Variants in CNTNAP3B observed in about 807,000 individuals in gnomAD.
CNTNAP3B encodes contactin associated protein family member 3B, also known as contactin-associated protein-like 3B.
Under a neutral mutation model 108.9 loss-of-function variants are expected in CNTNAP3B, and 25 were observed. That is an observed-to-expected ratio of 0.23 (90% CI 0.17 to 0.32). CNTNAP3B has a LOEUF of 0.32. Among genes scored for constraint, CNTNAP3B ranks in the 10% least tolerant of loss-of-function variants. The probability of loss-of-function intolerance (pLI) is 1.00; values close to 1 mark genes in which losing one functional copy is unlikely to be tolerated. For synonymous variants in CNTNAP3B, 103 were observed against 473.4 expected, an observed-to-expected ratio of 0.22 and a Z score of 10.16; for missense variants, 252 against 1,210.4, an observed-to-expected ratio of 0.21 and a Z score of 11.75.
chr9:42,021,966 A>C (rs1294364064), intron 3 of CNTNAP3B, among the ~76,000 whole-genome samples: 1 of 118,186 alleles, frequency 8.5e-6, no homozygotes, highest in African/African-American at 3.6e-5. Context: ...TCCTGGGCTT[A>C]GGCAAGCCAA....
chr9:41,934,124 C>CATATATATATATATATATATATAT (rs1226684775), intron 14 of CNTNAP3B, among the ~76,000 whole-genome samples: 1 of 105,670 alleles, frequency 9.5e-6, no homozygotes, highest in African/African-American at 4.1e-5. Context: ...TATATATATA[C>CATATATATATATATATATATATAT]ACACACATAT....
chr9:41,915,710 G>A (rs1255299823), intron 18 of CNTNAP3B, among the ~76,000 whole-genome samples: 1 of 136,628 alleles, frequency 7.3e-6, no homozygotes, highest in East Asian at 2.0e-4. Context: ...TTTGTTAAAT[G>A]TTTTTTTTTT....
At chr9:41,924,792 A>C (rs1250478633) in intron 15 of CNTNAP3B, among the ~76,000 whole-genome samples, 4 of 152,262 alleles carry the variant, frequency 2.6e-5, no homozygotes, top group East Asian at 1.9e-4. Context: ...CACATGTATT[A>C]CTCAGGCCTC....
At chr9:42,005,407 G>A (rs1470940734) in intron 4 of CNTNAP3B, among the ~76,000 whole-genome samples, 2 of 97,364 alleles carry the variant, frequency 2.1e-5, no homozygotes, top group Non-Finnish European at 4.1e-5. Context: ...CCCAGACTGG[G>A]CAATCAAGTA....
At chr9:42,075,836 CTTATTATTATTATTATTA>C (rs201491733) in intron 3 of CNTNAP3B, among the ~76,000 whole-genome samples, 1 of 63,736 alleles carries the variant, frequency 1.6e-5, no homozygotes, top group Non-Finnish European at 3.5e-5. Context: ...GTAATAAATA[CTTATTATTATTATTATTA>C]TTATTATTAT....
At position 42,095,664 on chromosome 9, in the gene CNTNAP3B, G is replaced by A. The variant is rs1277910728; in HGVS notation, c.196+8965C>T. 2.5e-3 allele frequency among the ~76,000 whole-genome samples: 344 copies of A among 138,786 alleles called. 39 individuals are homozygous for A. Among genetic ancestry groups the A allele is most frequent in the Middle Eastern group, 3.4e-3 (1 of 290 alleles). The allele number at this position is 138,786 out of a possible 152,430, so 91.0% of individuals were successfully genotyped here. On this transcript the variant is annotated intron_variant, in intron 2 of 23. Coordinates refer to ENST00000377561, the MANE Select transcript of CNTNAP3B (RefSeq NM_001201380.3). ...CCAGAAAGCTTTCTAGTAGGAGCTG[G>A]AATTCTGGCTGATACAGAGACTGGA...
chr9:41,955,711 C>A (rs553953685), intron 12 of CNTNAP3B, among the ~76,000 whole-genome samples: 635 of 152,180 alleles, frequency 4.2e-3, no homozygotes, highest in Middle Eastern at 0.014. Context: ...AGTCAGAACA[C>A]ACTGGAGGCT....
At chr9:42,090,948 C>T in intron 2 of CNTNAP3B, among the ~76,000 whole-genome samples, 1 of 55,754 alleles carries the variant, frequency 1.8e-5, no homozygotes, top group South Asian at 5.6e-4. Flanking sequence ...TAAGTACACA[C>T]TGACTCTCTC....
chr9:41,928,416 G>A (rs1290807597), intron 15 of CNTNAP3B, among the ~76,000 whole-genome samples: 3 of 152,012 alleles, frequency 2.0e-5, no homozygotes, highest in Non-Finnish European at 4.4e-5. Flanking sequence ...TCATCAAGCA[G>A]GAGACAAGCC....
chr9:42,108,748 A>T (rs1230393193), intron 1 of CNTNAP3B, among the ~76,000 whole-genome samples: 1 of 130,200 alleles, frequency 7.7e-6, no homozygotes, highest in African/African-American at 3.1e-5. Flanking sequence ...CTCTCTCCCC[A>T]CTCTATGGTC....
intron 3 of CNTNAP3B, among the ~76,000 whole-genome samples, chr9:42,073,816 CCT>C (rs1827425599): frequency 6.7e-6 from 1 of 149,642 alleles, no homozygotes; most frequent in African/African-American, 2.5e-5. Flanking sequence ...AGAATATGTC[CCT>C]GAGATGTTGA....
chr9:41,919,566 G>C (rs1414527035), intron 18 of CNTNAP3B, among the ~76,000 whole-genome samples: 1 of 152,308 alleles, frequency 6.6e-6, no homozygotes, highest in South Asian at 2.1e-4. Flanking sequence ...CTTCTAGTTA[G>C]TATGCTTGTT....
At chr9:41,951,437 GT>G (rs1353371403) in intron 13 of CNTNAP3B, among the ~76,000 whole-genome samples, 15 of 124,628 alleles carry the variant, frequency 1.2e-4, no homozygotes, top group Admixed American at 3.4e-4. Flanking sequence ...AAATAATTAA[GT>G]TTTGTAATGC....
At chr9:42,122,089 C>G in intron 1 of CNTNAP3B, among the ~76,000 whole-genome samples, 1 of 139,668 alleles carries the variant, frequency 7.2e-6, no homozygotes, top group Admixed American at 7.1e-5. Context: ...TCAAAGTTTT[C>G]TATGGGCAGC....
chr9:41,959,377 G>A (rs537375964), intron 12 of CNTNAP3B, among the ~76,000 whole-genome samples: 15 of 152,398 alleles, frequency 9.8e-5, no homozygotes, highest in African/African-American at 3.1e-4. Context: ...AAGAGAAGGT[G>A]ACATTTTCTA....
chr9:42,035,666 T>C (rs1316558306), intron 3 of CNTNAP3B, among the ~76,000 whole-genome samples: 1 of 150,794 alleles, frequency 6.6e-6, no homozygotes, highest in South Asian at 2.1e-4. Flanking sequence ...ACATATTTTT[T>C]ATTGTTTTAG....
At position 41,994,019 on chromosome 9, in the gene CNTNAP3B, A is replaced by C; in HGVS notation, c.1072-2148T>G. 3 of 141,796 alleles carry C rather than the reference A, an allele frequency of 2.1e-5. No homozygotes were observed. The South Asian group carries it at 6.7e-4, about 31-fold the overall frequency. 8.8% of individuals were successfully genotyped at this position (141,796 alleles called of 1,614,324 possible). A position where few individuals can be genotyped will look rare whatever the true frequency, so the allele number is the denominator to read the frequency against. On this transcript the variant is annotated intron_variant, in intron 7 of 23. Coordinates refer to ENST00000377561, the MANE Select transcript of CNTNAP3B (RefSeq NM_001201380.3). Reference sequence around the variant, plus strand: ...AACTGTGGTTCTCCTTATTGGCTATACTCAATAATTCCATCAGCGAACCCA... The same window carrying C: ...AACTGTGGTTCTCCTTATTGGCTATCCTCAATAATTCCATCAGCGAACCCA...
rs1299374774 is a variant in CNTNAP3B, at chr9:41,942,005, C to T, written c.2081-3605G>A. Among the ~76,000 whole-genome samples, 6 of 152,418 alleles carry T rather than the reference C, an allele frequency of 3.9e-5. No homozygotes were observed. The South Asian group carries it at 1.0e-3, about 26-fold the overall frequency. On this transcript the variant is annotated intron_variant, in intron 13 of 23. Coordinates refer to ENST00000377561, the MANE Select transcript of CNTNAP3B (RefSeq NM_001201380.3). ...TGTTCTCCTTAACAACATTCTAATC[C>T]CCCAAAAAGCTAGTTTACTAGAGCC... is the stretch of plus-strand genomic sequence containing the variant.
At chr9:41,952,604 T>C (rs1478752310) in intron 13 of CNTNAP3B, among the ~76,000 whole-genome samples, 5 of 151,776 alleles carry the variant, frequency 3.3e-5, no homozygotes, top group Non-Finnish European at 7.4e-5. Flanking sequence ...TCCAAAACAT[T>C]ACTTCCATAT....
Sources: allele counts gnomAD v4.1 joint callset (sites outside exome capture counted in the v4.1 genomes callset), GRCh38; gene constraint gnomAD v4.1.1; transcripts MANE v1.5; gene names NCBI Gene and HGNC (gene_info 2026-07-23, HGNC 2026-07-21).